Variants in GRM1 observed in about 807,000 individuals in gnomAD.
GRM1 encodes metabotropic glutamate receptor 1.
Under a neutral mutation model 90.9 loss-of-function variants are expected in GRM1, and 33 were observed. The observed-to-expected ratio is 0.36, with a 90% CI of 0.28 to 0.49. GRM1 has a LOEUF of 0.49. Among genes scored for constraint, GRM1 ranks in the 20% least tolerant of loss-of-function variants. GRM1 has a pLI of 0.99. For missense variants in GRM1, 1,190 were observed against 1,534.3 expected, an observed-to-expected ratio of 0.78 and a Z score of 3.75; for synonymous variants, 700 against 613.2, an observed-to-expected ratio of 1.14 and a Z score of -2.09.
chr6:146,316,344 C>A (rs1355675593), intron 3 of GRM1, among the ~76,000 whole-genome samples: 1 of 152,186 alleles, frequency 6.6e-6, no homozygotes, highest in Non-Finnish European at 1.5e-5. Flanking sequence ...ACCTAGGTAA[C>A]CCAGGATAAT....
At chr6:146,117,282 T>C (rs1775787696) in intron 1 of GRM1, among the ~76,000 whole-genome samples, 7 of 151,784 alleles carry the variant, frequency 4.6e-5, no homozygotes, top group Admixed American at 4.6e-4. Flanking sequence ...AAAATATTTA[T>C]CTTTCTATAT....
At chr6:146,359,652 C>T (rs1457655886) in intron 5 of GRM1, among the ~76,000 whole-genome samples, 1 of 152,172 alleles carries the variant, frequency 6.6e-6, no homozygotes. Context: ...TCACATACCA[C>T]GTGTGCTCCC....
chr6:146,142,198 A>G (rs563080945), intron 1 of GRM1, among the ~76,000 whole-genome samples: 3 of 152,298 alleles, frequency 2.0e-5, no homozygotes, highest in Non-Finnish European at 4.4e-5. Flanking sequence ...ATTTGGAAGA[A>G]TTCTCTGATT....
chr6:146,198,353 T>C (rs1273499639), intron 2 of GRM1, among the ~76,000 whole-genome samples: 1 of 152,208 alleles, frequency 6.6e-6, no homozygotes, highest in African/African-American at 2.4e-5. Context: ...GCATCGACCC[T>C]GCCTCCTTTA....
intron 2 of GRM1, among the ~76,000 whole-genome samples, chr6:146,279,609 T>C (rs557888992): frequency 1.3e-5 from 2 of 152,290 alleles, no homozygotes; most frequent in African/African-American, 2.4e-5. Context: ...AAATATTTGG[T>C]GATTTTTCCA....
At chr6:146,328,366 T>A (rs2114988151) in intron 3 of GRM1, among the ~76,000 whole-genome samples, 1 of 152,294 alleles carries the variant, frequency 6.6e-6, no homozygotes, top group South Asian at 2.1e-4. Flanking sequence ...CTGTTGTCAC[T>A]GACCTAGGTC....
chr6:146,202,991 A>C (rs543800576), intron 2 of GRM1, among the ~76,000 whole-genome samples: 77 of 151,914 alleles, frequency 5.1e-4, no homozygotes, highest in East Asian at 1.4e-3. Context: ...GTCAGGAGAG[A>C]GAGACAATCC....
rs1562568678 is a variant in GRM1, at chr6:146,267,684, TC to T, written c.951-36926del. On this transcript the variant is annotated intron_variant, in intron 2 of 7. Transcript: ENST00000282753. ...TGGGCTGGGCTGGGCTGGGCTGGGC[TC>T]GGCTCGGCTCGGCTCGGCTCGTCTC... Among the ~76,000 whole-genome samples, 886 of 103,338 alleles carry T rather than the reference TC, an allele frequency of 8.6e-3. 51 individuals are homozygous for T. Among genetic ancestry groups the T allele is most frequent in the East Asian group, 0.053 (231 of 4,394 alleles). The allele number at this position is 103,338 out of a possible 152,430, so 67.8% of individuals were successfully genotyped here. A position where few individuals can be genotyped will look rare whatever the true frequency, so the allele number is the denominator to read the frequency against.
chr6:146,118,545 A>G (rs1385679655), intron 1 of GRM1, among the ~76,000 whole-genome samples: 1 of 151,956 alleles, frequency 6.6e-6, no homozygotes, highest in Non-Finnish European at 1.5e-5. Flanking sequence ...CCACCCATTA[A>G]CTCGTCATTT....
intron 1 of GRM1, among the ~76,000 whole-genome samples, chr6:146,058,220 A>G (rs893455878): frequency 6.6e-6 from 1 of 152,048 alleles, no homozygotes; most frequent in Non-Finnish European, 1.5e-5. Context: ...CTCAGTATTC[A>G]TGATTTAGAG....
chr6:146,133,189 G>C (rs1776475044), intron 1 of GRM1, among the ~76,000 whole-genome samples: 1 of 152,198 alleles, frequency 6.6e-6, no homozygotes, highest in Admixed American at 6.5e-5. Flanking sequence ...TTTGGAATTG[G>C]AAGGAGCCTC....
intron 3 of GRM1, among the ~76,000 whole-genome samples, chr6:146,344,152 A>T (rs1785089290): frequency 6.6e-6 from 1 of 152,160 alleles, no homozygotes; most frequent in South Asian, 2.1e-4. Flanking sequence ...GCGTATTTGT[A>T]ACCTCCCAAC....
chr6:146,108,041 T>C (rs931690770), intron 1 of GRM1, among the ~76,000 whole-genome samples: 1 of 152,252 alleles, frequency 6.6e-6, no homozygotes, highest in East Asian at 1.9e-4. Context: ...TATAAATGTA[T>C]ATAAATATAT....
intron 5 of GRM1, among the ~76,000 whole-genome samples, chr6:146,368,148 T>C (rs1775762185): frequency 1.3e-5 from 2 of 151,982 alleles, no homozygotes; most frequent in African/African-American, 4.8e-5. Flanking sequence ...CTTTTTTATT[T>C]CTTCTTCAGA....
chr6:146,197,511 T>C (rs2114603910), intron 2 of GRM1, among the ~76,000 whole-genome samples: 1 of 152,298 alleles, frequency 6.6e-6, no homozygotes, highest in East Asian at 1.9e-4. Flanking sequence ...CTCATGGGGT[T>C]TACCAATGCA....
chr6:146,044,195 A>G (rs1037177960), intron 1 of GRM1, among the ~76,000 whole-genome samples: 2 of 151,862 alleles, frequency 1.3e-5, no homozygotes, highest in African/African-American at 4.8e-5. Context: ...CAACCTCGAT[A>G]TGGGTGCCTC....
chr6:146,313,674 C>T (rs1783851199), intron 3 of GRM1, among the ~76,000 whole-genome samples: 1 of 152,104 alleles, frequency 6.6e-6, no homozygotes, highest in African/African-American at 2.4e-5. Flanking sequence ...CCCATTTACT[C>T]TTTTCTTCCT....
At chr6:146,429,273 T>G (rs1376673264) in intron 7 of GRM1, among the ~76,000 whole-genome samples, 3 of 152,156 alleles carry the variant, frequency 2.0e-5, no homozygotes, top group African/African-American at 7.2e-5. Context: ...GCATTTGTCT[T>G]AAAAAACACC....
chr6:146,098,796 T>C (rs1776954157), intron 1 of GRM1, among the ~76,000 whole-genome samples: 1 of 152,024 alleles, frequency 6.6e-6, no homozygotes, highest in Admixed American at 6.5e-5. Flanking sequence ...AAGAGGCTTT[T>C]CCCCCTTTTT....
Sources: gnomAD v4.1 joint callset for allele counts (sites outside exome capture counted in the v4.1 genomes callset) on GRCh38, gnomAD v4.1.1 for gene constraint, MANE v1.5 for transcripts, NCBI Gene and HGNC (gene_info 2026-07-23, HGNC 2026-07-21) for gene names.